KLK8: variants seen among roughly 807,000 people sequenced by gnomAD.
KLK8 encodes kallikrein-8.
Under a neutral mutation model 26.7 loss-of-function variants are expected in KLK8, and 18 were observed. The observed-to-expected ratio is 0.67, with a 90% CI of 0.47 to 1.00. The LOEUF is 1.00. Ranked by LOEUF, KLK8 falls within the 50% of genes least tolerant of loss-of-function variation. The probability of loss-of-function intolerance (pLI) is 0.00; values close to 1 mark genes in which losing one functional copy is unlikely to be tolerated. For synonymous variants in KLK8, 137 were observed against 127.1 expected (o/e 1.08, Z -0.52); for missense variants, 301 against 331.7 (o/e 0.91, Z 0.72).
At chr19:50,996,731 C>T (rs1254705291) in intron 6 of KLK8, among the ~76,000 whole-genome samples, 1 of 96,960 alleles carries the variant, frequency 1.0e-5, no homozygotes, top group Non-Finnish European at 2.0e-5. Flanking sequence ...GACCCTGTCT[C>T]AAAAAAAAAA....
exon 5 of KLK8, chr19:51,000,088 G>A: frequency 6.2e-7 from 1 of 1,614,058 alleles, no homozygotes; most frequent in Non-Finnish European, 8.5e-7. Flanking sequence ...CTTCACTTTG[G>A]ACCCCAGGGA....
chr19:51,001,308 T>A, intron 2 of KLK8, 133 bp from the exon 2 acceptor site: 2 of 704,218 alleles, frequency 2.8e-6, no homozygotes. Context: ...AGGAGGAGGC[T>A]GGGGGACTGG....
At chr19:50,999,624 A>AAAAAAAAAG (rs2091201890) in intron 5 of KLK8, among the ~76,000 whole-genome samples, 1 of 143,240 alleles carries the variant, frequency 7.0e-6, no homozygotes, top group Non-Finnish European at 1.5e-5. Flanking sequence ...AAAAAAAAAA[A>AAAAAAAAAG]GGAGGGAGGT....
chr19:51,000,438 G>A (rs1315665310), exon 4 of KLK8: 3 of 1,608,784 alleles, frequency 1.9e-6, no homozygotes, highest in Middle Eastern at 3.3e-4. Context: ...TTTTACAGTG[G>A]GCAGCTGTAA....
intron 6 of KLK8, among the ~76,000 whole-genome samples, chr19:50,997,378 G>C (rs1418069080): frequency 1.3e-5 from 2 of 151,924 alleles, no homozygotes; most frequent in Non-Finnish European, 2.9e-5. Flanking sequence ...TGGTAAAGTC[G>C]GCACAAATTC....
chr19:50,996,044 G>C, exon 7 of KLK8: 1 of 1,613,786 alleles, frequency 6.2e-7, no homozygotes, highest in Non-Finnish European at 8.5e-7. Flanking sequence ...GGGAGATCTA[G>C]TGCTTATCCT....
Position 50,996,938 on chromosome 19 carries a change from A to ACACACC in KLK8, c.628-725_628-724insGGTGTG, listed in dbSNP as rs1420234697. ...CACACACACACACACACACACACAC[A>ACACACC]CCATATCCCCAAGAGACCATGGCTG... On this transcript the variant is annotated intron_variant, in intron 6 of 6. Transcript: ENST00000600767. Among the ~76,000 whole-genome samples, 8 of 135,096 alleles carry ACACACC rather than the reference A, an allele frequency of 5.9e-5. No homozygotes were observed. In the Admixed American group the frequency reaches 6.0e-4, roughly 10 times the overall value. 88.6% of individuals were successfully genotyped at this position (135,096 alleles called of 152,430 possible).
At chr19:50,999,887 A>C in intron 5 of KLK8, 109 bp downstream of exon 4, 2 of 1,158,148 alleles carry the variant, frequency 1.7e-6, no homozygotes, top group Non-Finnish European at 2.4e-6. Flanking sequence ...CATCATGATC[A>C]CTTTCCCTTC....
chr19:50,996,131 G>C lies in KLK8; in HGVS notation c.711C>G (p.Asp237Glu), dbSNP rs899034193. The C allele has an allele frequency of 7.4e-6, 12 of 1,614,102 alleles. No individual in the cohort carries two copies. The Admixed American group carries it at 1.2e-4, about 16-fold the overall frequency. ...AGATGTTGGTATAGACGCCAGGTTT[G>C]TCGGACCTCCCACAGGGGTCTGAGC... The change falls in exon 7 of 7, where the codon GAC becomes GAG. Residue 237 changes from aspartate to glutamate, a missense_variant. Transcript: ENST00000600767.
intron 5 of KLK8, chr19:50,999,256 G>A (rs2091197099): frequency 6.6e-6 from 1 of 152,272 alleles, no homozygotes; most frequent in African/African-American, 2.4e-5. Context: ...GAGGGAAGAG[G>A]TGACCAGGGC....
At chr19:50,996,383 TACAG>T (rs1280438116) in intron 6 of KLK8, among the ~76,000 whole-genome samples, 169 bp from the exon 6 acceptor site, 1 of 152,138 alleles carries the variant, frequency 6.6e-6, no homozygotes, top group African/African-American at 2.4e-5. Context: ...GGCTTCCATG[TACAG>T]ACAGACATGG....
chr19:50,996,115 T>C, exon 7 of KLK8: 2 of 1,614,208 alleles, frequency 1.2e-6, no homozygotes, highest in Non-Finnish European at 1.7e-6. Flanking sequence ...CAGATGTTGG[T>C]ATAGACGCCA....
At chr19:50,999,423 T>TA (rs1467269594) in intron 5 of KLK8, among the ~76,000 whole-genome samples, 4 of 150,222 alleles carry the variant, frequency 2.7e-5, no homozygotes, top group African/African-American at 9.8e-5. Flanking sequence ...CTACAACAAA[T>TA]ACAAAAATTA....
intron 5 of KLK8, 33 bp from the exon 5 acceptor site, chr19:50,997,917 A>T (rs2091185861): frequency 1.2e-6 from 2 of 1,612,430 alleles, no homozygotes; most frequent in Non-Finnish European, 1.7e-6. Flanking sequence ...GTTCCCTGAG[A>T]GAGCAGCCCT....
chr19:50,999,563 A>G (rs2091200097), intron 5 of KLK8, among the ~76,000 whole-genome samples: 1 of 125,390 alleles, frequency 8.0e-6, no homozygotes, highest in African/African-American at 3.0e-5. Flanking sequence ...TGGGCGATTG[A>G]GTGAAACTGT....
intron 3 of KLK8, 48 bp from the exon 3 acceptor site, chr19:51,000,631 G>A (rs202165211): frequency 3.4e-5 from 55 of 1,601,454 alleles, no homozygotes; most frequent in African/African-American, 1.1e-4. Flanking sequence ...GGGGCAGTGC[G>A]AGGGCTGGGA....
At chr19:51,000,390 C>T (rs763742214) in intron 4 of KLK8, 34 bp downstream of exon 3, 1 of 1,571,710 alleles carries the variant, frequency 6.4e-7, no homozygotes, top group East Asian at 2.3e-5. Context: ...TTTCCTTAAG[C>T]CCCAGCTGAC....
rs2091204734 is a variant in KLK8, at chr19:50,999,864, T to G, written c.493+132A>C. 4.2e-6 allele frequency: 4 copies of G among 963,018 alleles called. No homozygotes were observed. In the South Asian group the frequency reaches 7.3e-5, roughly 18 times the overall value. The allele number at this position is 963,018 out of a possible 1,614,324, so 59.7% of individuals were successfully genotyped here. On this transcript the variant is annotated intron_variant, in intron 5 of 6. Transcript: ENST00000600767. Reference sequence around the variant, plus strand: ...TCGAGGCTTCTCATATGACTCCTGCTTGTGAATCTCAACATCATGATCACT... The same window carrying G: ...TCGAGGCTTCTCATATGACTCCTGCGTGTGAATCTCAACATCATGATCACT...
chr19:50,999,583 CAAAAAAAAAAAAAA>C (rs56988162), intron 5 of KLK8, among the ~76,000 whole-genome samples: 122 of 30,270 alleles, frequency 4.0e-3, no homozygotes, highest in South Asian at 0.024. Context: ...TGTCCCCCTG[CAAAAAAAAAAAAAA>C]AAAAAAAAAA....
Sources: gnomAD v4.1 joint callset for allele counts (sites outside exome capture counted in the v4.1 genomes callset) on GRCh38, gnomAD v4.1.1 for gene constraint, MANE v1.5 for transcripts, NCBI Gene and HGNC (gene_info 2026-07-23, HGNC 2026-07-21) for gene names.